Variants in TMEM245 observed in about 807,000 individuals in gnomAD.
TMEM245 encodes protein CG-2.
TMEM245 carries 69 observed loss-of-function variants against 101.2 expected under a neutral mutation model. That is an observed-to-expected ratio of 0.68 (90% CI 0.56 to 0.83). TMEM245 has a LOEUF of 0.83. Ranked by LOEUF, TMEM245 falls within the 40% of genes least tolerant of loss-of-function variation. TMEM245 has a pLI of 0.00. For synonymous variants in TMEM245, 537 were observed against 449.8 expected (o/e 1.19, Z -2.45); for missense variants, 1,075 against 1,092.8 (o/e 0.98, Z 0.23).
At chr9:109,102,543 C>T (rs1481907126) in intron 3 of TMEM245, among the ~76,000 whole-genome samples, 1 of 152,172 alleles carries the variant, frequency 6.6e-6, no homozygotes, top group Non-Finnish European at 1.5e-5. Context: ...TTCATTGACA[C>T]AGAAAGTTCC....
chr9:109,078,966 AC>A (rs1197479164), intron 8 of TMEM245, among the ~76,000 whole-genome samples: 1 of 152,230 alleles, frequency 6.6e-6, no homozygotes, highest in African/African-American at 2.4e-5. Flanking sequence ...AGCACAGGCA[AC>A]AAAGGCAAAA....
chr9:109,069,153 A>G (rs1238038147), intron 9 of TMEM245, among the ~76,000 whole-genome samples: 1 of 152,218 alleles, frequency 6.6e-6, no homozygotes, highest in East Asian at 1.9e-4. Flanking sequence ...ATTTCAAACA[A>G]AAGACAAACC....
At chr9:109,040,985 C>G (rs1302924031) in intron 14 of TMEM245, among the ~76,000 whole-genome samples, 1 of 152,168 alleles carries the variant, frequency 6.6e-6, no homozygotes, top group Non-Finnish European at 1.5e-5. Context: ...CATACGGTAT[C>G]TATTTAACTT....
intron 11 of TMEM245, among the ~76,000 whole-genome samples, chr9:109,058,516 G>A (rs1828914950): frequency 6.6e-6 from 1 of 152,114 alleles, no homozygotes; most frequent in Non-Finnish European, 1.5e-5. Context: ...AGGATCACTT[G>A]AGCCTAGCCG....
intron 10 of TMEM245, among the ~76,000 whole-genome samples, chr9:109,061,627 C>T (rs559239542): frequency 1.4e-4 from 22 of 152,114 alleles, no homozygotes; most frequent in South Asian, 8.3e-4. Context: ...AGTGCAGTGG[C>T]GCGATCTCGA....
Position 109,032,134 on chromosome 9 carries a change from G to A in TMEM245, c.2594+1173C>T, listed in dbSNP as rs183790305. Among the ~76,000 whole-genome samples the A allele has an allele frequency of 2.3e-3, 350 of 152,102 alleles. 1 individual carries two copies. Among genetic ancestry groups the A allele is most frequent in the Non-Finnish European group, 3.5e-3 (241 of 68,008 alleles). ...ACATCATGACACGTCATCTTTAAAGGACATTCTTCTACAGAACCAAAATAT... is the reference window on the plus strand; with the variant it reads ...ACATCATGACACGTCATCTTTAAAGAACATTCTTCTACAGAACCAAAATAT... On this transcript the variant is annotated intron_variant, in intron 17 of 17. Coordinates refer to ENST00000374586, the MANE Select transcript of TMEM245 (RefSeq NM_032012.4).
intron 11 of TMEM245, among the ~76,000 whole-genome samples, chr9:109,058,650 C>T (rs990096541): frequency 6.6e-6 from 1 of 152,120 alleles, no homozygotes; most frequent in Non-Finnish European, 1.5e-5. Flanking sequence ...GCCCTGTCAC[C>T]AGGCTGCACT....
chr9:109,049,103 TGCTAACA>T (rs1828592337), intron 14 of TMEM245, among the ~76,000 whole-genome samples: 1 of 152,232 alleles, frequency 6.6e-6, no homozygotes. Flanking sequence ...AGTGACATGA[TGCTAACA>T]GCTAGTCTAA....
intron 9 of TMEM245, among the ~76,000 whole-genome samples, chr9:109,066,623 T>C (rs952013923): frequency 5.3e-5 from 8 of 152,036 alleles, no homozygotes; most frequent in African/African-American, 1.9e-4. Context: ...TACTCTTTTA[T>C]ACATTCATCA....
chr9:109,036,144 A>T (rs1588023016), intron 16 of TMEM245, 62 bp downstream of exon 16: 13 of 359,272 alleles, frequency 3.6e-5, no homozygotes, highest in South Asian at 1.1e-4. Context: ...ATCCTCCTTT[A>T]AAAAAAAAAA....
intron 17 of TMEM245, among the ~76,000 whole-genome samples, chr9:109,021,849 G>A (rs899004486): frequency 6.6e-6 from 1 of 151,388 alleles, no homozygotes; most frequent in Non-Finnish European, 1.5e-5. Context: ...GGGAGGAAGG[G>A]AAGGAGGAAT....
intron 16 of TMEM245, 110 bp downstream of exon 16, chr9:109,036,096 C>CTACTACCAGTTCTTTTGTA (rs1246415477): frequency 1.3e-6 from 1 of 778,470 alleles, no homozygotes; most frequent in Admixed American, 3.8e-5. Flanking sequence ...CTGAAAATTC[C>CTACTACCAGTTCTTTTGTA]TACTACCAGT....
chr9:109,083,912 A>AAAAAAAG (rs1829749153), intron 7 of TMEM245, among the ~76,000 whole-genome samples: 1 of 133,986 alleles, frequency 7.5e-6, no homozygotes, highest in African/African-American at 3.2e-5. Flanking sequence ...AAAAAAAAAA[A>AAAAAAAG]AAAAAAAAAA....
At position 109,036,262 on chromosome 9, in the gene TMEM245, A is replaced by C; in HGVS notation, c.2343T>G (p.Ile781Met). The change falls in exon 16 of 18, where the codon ATT becomes ATG. Residue 781 changes from isoleucine to methionine, a missense_variant. Physicochemically the swap from Ile to Met is conservative, Grantham distance 10. Coordinates refer to ENST00000374586, the MANE Select transcript of TMEM245 (RefSeq NM_032012.4). ...GLGCKAILLL[I>M]FHLLPTYFVD... ...CAAAGTATGTTGGCAAGAGATGAAA[A>C]ATCAACAGTAAAATGGCCTTGCATC... is the stretch of plus-strand genomic sequence containing the variant. The C allele has an allele frequency of 2.5e-6, 4 of 1,613,844 alleles. No individual in the cohort carries two copies. Among genetic ancestry groups the C allele is most frequent in the Non-Finnish European group, 3.4e-6 (4 of 1,179,972 alleles).
intron 14 of TMEM245, 25 bp downstream of exon 14, chr9:109,050,258 A>G (rs770665832): frequency 6.2e-7 from 1 of 1,606,490 alleles, no homozygotes; most frequent in Non-Finnish European, 8.5e-7. Context: ...GGGAGAAATA[A>G]GAATAGCATA....
intron 14 of TMEM245, among the ~76,000 whole-genome samples, chr9:109,045,428 C>T (rs1034857734): frequency 6.6e-6 from 1 of 152,108 alleles, no homozygotes; most frequent in African/African-American, 2.4e-5. Context: ...AGTGGTGAAA[C>T]ACAGAAACAT....
chr9:109,053,919 G>C (rs1828759250), intron 12 of TMEM245, among the ~76,000 whole-genome samples: 1 of 152,190 alleles, frequency 6.6e-6, no homozygotes, highest in Non-Finnish European at 1.5e-5. Context: ...GGAGACAATG[G>C]ACCACATGAG....
At chr9:109,068,804 T>A (rs898832977) in intron 9 of TMEM245, among the ~76,000 whole-genome samples, 31 of 152,214 alleles carry the variant, frequency 2.0e-4, no homozygotes, top group African/African-American at 7.2e-4. Context: ...TTACGTATTA[T>A]TCTCAAAATG....
At chr9:109,056,788 ATGCTGCAGAC>A (rs1828852110) in intron 12 of TMEM245, among the ~76,000 whole-genome samples, 1 of 152,190 alleles carries the variant, frequency 6.6e-6, no homozygotes, top group Non-Finnish European at 1.5e-5. Context: ...GCACTTAGGA[ATGCTGCAGAC>A]TGCAGAGGTG....
Sources: gnomAD v4.1 joint callset for allele counts (sites outside exome capture counted in the v4.1 genomes callset) on GRCh38, gnomAD v4.1.1 for gene constraint, MANE v1.5 for transcripts, NCBI Gene and HGNC (gene_info 2026-07-23, HGNC 2026-07-21) for gene names.